Variants in RFX1 observed in about 807,000 individuals in gnomAD.
RFX1 encodes the protein MHC class II regulatory factor RFX1.
Under a neutral mutation model 119.6 loss-of-function variants are expected in RFX1, and 42 were observed. The ratio of observed to expected loss-of-function variants is 0.35; its 90% CI spans 0.27 to 0.45. RFX1 has a LOEUF of 0.45. Among genes scored for constraint, RFX1 ranks in the 20% least tolerant of loss-of-function variants. RFX1 has a pLI of 1.00. For missense variants in RFX1, 1,118 were observed against 1,368.1 expected, an observed-to-expected ratio of 0.82 and a Z score of 2.88; for synonymous variants, 628 against 618.5, an observed-to-expected ratio of 1.02 and a Z score of -0.23.
chr19:14,005,887 G>A (rs1377478556), intron 1 of RFX1, among the ~76,000 whole-genome samples: 1 of 150,908 alleles, frequency 6.6e-6, no homozygotes, highest in Non-Finnish European at 1.5e-5. Flanking sequence ...GCGGGCCTGC[G>A]AGCGCCCGCC....
At chr19:13,972,645 T>C (rs1974117388) in intron 9 of RFX1, 98 bp downstream of exon 9, 1 of 875,114 alleles carries the variant, frequency 1.1e-6, no homozygotes, top group African/African-American at 1.7e-5. Flanking sequence ...CACAGGCTCC[T>C]GCTAGCGGTG....
Position 13,971,391 on chromosome 19 carries a change from A to C in RFX1, c.1315-1216T>G, listed in dbSNP as rs10425055. ...CTAGAAGCCAGGCTACATCAGGACC[A>C]TGAGGGACCACCAGGACCACCAGCG... On this transcript the variant is annotated intron_variant, in intron 9 of 20. Coordinates refer to ENST00000254325, the MANE Select transcript of RFX1 (RefSeq NM_002918.5). Among the ~76,000 whole-genome samples the C allele has an allele frequency of 2.8e-3, 429 of 152,190 alleles. 2 individuals are homozygous for C. The highest frequency in any genetic ancestry group is 9.7e-3 in the African/African-American group (402 of 41,564).
At chr19:13,964,090 A>C in intron 16 of RFX1, 83 bp from the exon 17 acceptor site, 3 of 1,369,628 alleles carry the variant, frequency 2.2e-6, no homozygotes, top group Non-Finnish European at 2.9e-6. Flanking sequence ...CAACCTCCCT[A>C]AGCCTGTTTC....
rs981804882 is a variant in RFX1 at position 13,986,594 on chromosome 19, C to T, written c.320-2999G>A. Among the ~76,000 whole-genome samples the T allele has an allele frequency of 6.6e-6, 1 of 152,136 alleles. No individual in the cohort carries two copies. The highest frequency in any genetic ancestry group is 6.5e-5 in the Admixed American group (1 of 15,278). On this transcript the variant is annotated intron_variant, in intron 2 of 20. Transcript: ENST00000254325. The surrounding 1 kb of genome is among the most constrained non-coding windows in gnomAD (Gnocchi z 4.2). ...TGGGGGGTGGCACTGAGTCTGCGAGCGAGCGTCTGCATCTATCTGCCGGAG... is the reference window on the plus strand; with the variant it reads ...TGGGGGGTGGCACTGAGTCTGCGAGTGAGCGTCTGCATCTATCTGCCGGAG...
intron 17 of RFX1, 36 bp from the exon 18 acceptor site, chr19:13,963,782 A>G: frequency 2.7e-6 from 4 of 1,504,556 alleles, no homozygotes; most frequent in Non-Finnish European, 3.5e-6. Flanking sequence ...CCCGGGGCTC[A>G]GCCGCCGTCA....
Position 13,972,890 on chromosome 19 carries a change from G to GCCGCCA in RFX1, c.1161_1166dup (p.Gly398_Gly399dup). Reference sequence around the variant, plus strand: ...CCCCGCCACCGCCTCCCCCGCCGCCGCCGCCACCACCACTGCCACCACCTC... The same window carrying GCCGCCA: ...CCCCGCCACCGCCTCCCCCGCCGCCGCCGCCACCGCCACCACCACTGCCACCACCTC... On this transcript the variant is annotated inframe_insertion, in exon 9 of 21. Coordinates refer to ENST00000254325, the MANE Select transcript of RFX1 (RefSeq NM_002918.5). 1 of 1,567,670 alleles carries GCCGCCA rather than the reference G, an allele frequency of 6.4e-7. No individual in the cohort carries two copies.
Position 13,980,815 on chromosome 19 carries a change from C to A in RFX1, c.622-126G>T. ...GGCGGCAGTCTGTGGGGACCTATCC[C>A]AACCACCGAGGCTGGTAACTGACCG... On this transcript the variant is annotated intron_variant, in intron 5 of 20. Transcript: ENST00000254325. The surrounding 1 kb of genome is among the most constrained non-coding windows in gnomAD (Gnocchi z 5.1). 1 of 590,562 alleles carries A rather than the reference C, an allele frequency of 1.7e-6. No homozygotes were observed. The highest frequency in any genetic ancestry group is 3.0e-6 in the Non-Finnish European group (1 of 334,054). 36.6% of individuals were successfully genotyped at this position (590,562 alleles called of 1,614,324 possible). A position where few individuals can be genotyped will look rare whatever the true frequency, so the allele number is the denominator to read the frequency against.
rs1353748428 is a variant in RFX1 at position 13,983,393 on chromosome 19, G to A, written c.429+93C>T. 5.6e-6 allele frequency: 7 copies of A among 1,240,444 alleles called. No individual in the cohort carries two copies. The East Asian group carries it at 1.8e-4, about 31-fold the overall frequency. The allele number at this position is 1,240,444 out of a possible 1,614,324, so 76.8% of individuals were successfully genotyped here. On this transcript the variant is annotated intron_variant, in intron 3 of 20. Transcript: ENST00000254325. ...ACAGGTGAGCAGATGGCTCCAGCAG[G>A]AAGCGGGGAGGGGAGGTGAGGCCCC...
chr19:13,984,142 G>T (rs914119873), intron 2 of RFX1, among the ~76,000 whole-genome samples: 2 of 152,286 alleles, frequency 1.3e-5, no homozygotes, highest in Middle Eastern at 3.4e-3. Context: ...GGCTTGGAGT[G>T]GGGGAGGCAG....
rs148533868 is a variant in RFX1, at chr19:13,968,622, G to A, written c.1675C>T (p.Pro559Ser). 1.2e-3 allele frequency: 1,993 copies of A among 1,613,260 alleles called. 23 individuals are homozygous for A. The African/African-American group carries it at 0.023, about 19-fold the overall frequency. Residue 559 changes from proline to serine, a missense_variant, in exon 12 of 21, where the codon CCG becomes TCG. Transcript: ENST00000254325. The surrounding 1 kb of genome is among the most constrained non-coding windows in gnomAD (Gnocchi z 5.5). ...MTNGVAVGQQ[P>S]STGLSDISAQ... ...CTGATGTCCGACAGCCCCGTGCTCG[G>A]CTGCTGCCCCACCGCCACGCCGTTG...
rs768757415 is a variant in RFX1, at chr19:13,993,640, C to T, written c.204G>A (p.Pro68=). The change falls in exon 2 of 21, where the codon CCG becomes CCA. Residue 68 remains proline (P), a synonymous_variant. Coordinates refer to ENST00000254325, the MANE Select transcript of RFX1 (RefSeq NM_002918.5). ...CCGTCACGTACTGCTTCTGGCCACC[C>T]GGTGGCTGTGCCTGGGGCTGGGGGC... is the stretch of plus-strand genomic sequence containing the variant. ...LQSPQPQAQP[P]GGQKQYVTEL... 2.6e-5 allele frequency: 41 copies of T among 1,589,604 alleles called. No individual in the cohort carries two copies. The highest frequency in any genetic ancestry group is 8.5e-5 in the Admixed American group (5 of 58,522).
At chr19:13,992,467 G>A (rs1378551543) in intron 2 of RFX1, among the ~76,000 whole-genome samples, 1 of 152,008 alleles carries the variant, frequency 6.6e-6, no homozygotes, top group Non-Finnish European at 1.5e-5. Flanking sequence ...CTCAACACAG[G>A]TCCTGCGTGC....
At chr19:13,987,070 C>T (rs530624615) in intron 2 of RFX1, among the ~76,000 whole-genome samples, 1 of 152,366 alleles carries the variant, frequency 6.6e-6, no homozygotes, top group East Asian at 1.9e-4. Context: ...TGTCTGGACA[C>T]AAGTCTTCTT....
intron 1 of RFX1, among the ~76,000 whole-genome samples, chr19:13,995,851 CAAAAAAAAA>C (rs57542235): frequency 5.6e-5 from 2 of 35,632 alleles, no homozygotes; most frequent in South Asian, 1.2e-3. Context: ...ACTCTGTCTC[CAAAAAAAAA>C]AAAAAAAAAA....
rs761156872 is a variant in RFX1 at position 13,993,721 on chromosome 19, C to T, written c.123G>A (p.Pro41=). 15 of 553,994 alleles carry T rather than the reference C, an allele frequency of 2.7e-5. No homozygotes were observed. Among genetic ancestry groups the T allele is most frequent in the African/African-American group, 7.0e-5 (2 of 28,506 alleles). The allele number at this position is 553,994 out of a possible 1,614,324, so 34.3% of individuals were successfully genotyped here. A position where few individuals can be genotyped will look rare whatever the true frequency, so the allele number is the denominator to read the frequency against. Residue 41 remains proline (P), a synonymous_variant, in exon 2 of 21, where the codon CCG becomes CCA. Coordinates refer to ENST00000254325, the MANE Select transcript of RFX1 (RefSeq NM_002918.5). Reference sequence around the variant, plus strand: ...GGGTGGCAGCAGCGGTGGGTGGCTGCGGGGGCTGGGGTGCCGCTGGGGGTG... The same window carrying T: ...GGGTGGCAGCAGCGGTGGGTGGCTGTGGGGGCTGGGGTGCCGCTGGGGGTG... ...PPPPPAAPQP[P]QPPTAAATPQ...
intron 1 of RFX1, among the ~76,000 whole-genome samples, chr19:13,994,254 C>A (rs1472485446): frequency 6.6e-6 from 1 of 152,110 alleles, no homozygotes; most frequent in Non-Finnish European, 1.5e-5. Context: ...TGTGCCCTCA[C>A]CCAGAGAAAA....
chr19:13,977,909 GGACTGGGGACTGGTGTCCTGGGA>G, intron 8 of RFX1, 60 bp downstream of exon 8: 1 of 1,077,276 alleles, frequency 9.3e-7, no homozygotes, highest in Middle Eastern at 2.1e-4. Context: ...CTGGGGGCTG[GGACTGGGGACTGGTGTCCTGGGA>G]GACTGGGGAG....
At position 13,968,356 on chromosome 19, in the gene RFX1, T is replaced by C. The variant is rs1319724758; in HGVS notation, c.1732+209A>G. Among the ~76,000 whole-genome samples, 1 of 151,450 alleles carries C rather than the reference T, an allele frequency of 6.6e-6. No individual in the cohort carries two copies. The highest frequency in any genetic ancestry group is 1.5e-5 in the Non-Finnish European group (1 of 67,892). ...GAGAAATGCTTTGCATTGAAAGAAA[T>C]GAGAATCTACCTTGAAGAAGGATTC... On this transcript the variant is annotated intron_variant, in intron 12 of 20. Transcript: ENST00000254325. The surrounding 1 kb of genome is among the most constrained non-coding windows in gnomAD (Gnocchi z 5.5).
intron 2 of RFX1, among the ~76,000 whole-genome samples, chr19:13,984,786 G>A (rs1384049981): frequency 6.6e-6 from 1 of 152,176 alleles, no homozygotes; most frequent in Non-Finnish European, 1.5e-5. Flanking sequence ...CACGGGCAAG[G>A]AGTTATCACT....
Sources: gnomAD v4.1 joint callset for allele counts (sites outside exome capture counted in the v4.1 genomes callset) on GRCh38, gnomAD v4.1.1 for gene constraint, Gnocchi (gnomAD v3.1) non-coding constraint, MANE v1.5 for transcripts, NCBI Gene and HGNC (gene_info 2026-07-23, HGNC 2026-07-21) for gene names.